Variants in PTGIS observed in about 807,000 individuals in gnomAD.
PTGIS encodes the protein prostacyclin synthase.
In PTGIS, 45 loss-of-function variants were observed where a neutral mutation model predicts 50.3. That is an observed-to-expected ratio of 0.90 (90% CI 0.70 to 1.15). The LOEUF (loss-of-function observed/expected upper bound fraction) is 1.15. Among genes scored for constraint, PTGIS ranks in the 50% most tolerant of loss-of-function variants. The pLI, the probability that PTGIS is intolerant of heterozygous loss-of-function variation, is 0.00. For missense variants in PTGIS, 668 were observed against 661.3 expected, an observed-to-expected ratio of 1.01 and a Z score of -0.11; for synonymous variants, 260 against 267.7, an observed-to-expected ratio of 0.97 and a Z score of 0.28.
In PTGIS at chr20:49,508,328, C is replaced by T. The variant is rs188788095; in HGVS notation, c.1359-264G>A. ...TGTCACTCCTGTGTCAAAGCATTCG[C>T]GAGCCAGTGTGTGGCTCTCCAGCTG... On this transcript the variant is annotated intron_variant, in intron 9 of 9. Coordinates refer to ENST00000244043, the MANE Select transcript of PTGIS (RefSeq NM_000961.4). Among the ~76,000 whole-genome samples, 21 of 151,950 alleles carry T rather than the reference C, an allele frequency of 1.4e-4. 1 individual carries two copies. The highest frequency in any genetic ancestry group is 4.6e-4 in the African/African-American group (19 of 41,542).
At chr20:49,524,284 C>T in intron 5 of PTGIS, 45 bp from the exon 6 acceptor site, 1 of 1,604,364 alleles carries the variant, frequency 6.2e-7, no homozygotes, top group East Asian at 2.2e-5. Context: ...GATTCACCAT[C>T]CCACACCCAG....
intron 6 of PTGIS, among the ~76,000 whole-genome samples, chr20:49,516,219 G>A (rs141910297): frequency 5.0e-4 from 76 of 152,266 alleles, no homozygotes; most frequent in Middle Eastern, 6.8e-3. Flanking sequence ...GGGAAGACAA[G>A]AGGATAAGGA....
chr20:49,517,718 G>A (rs1391661410), intron 6 of PTGIS, among the ~76,000 whole-genome samples: 1 of 152,220 alleles, frequency 6.6e-6, no homozygotes, highest in East Asian at 1.9e-4. Context: ...TGATTCACAT[G>A]CTCCTTCTTG....
intron 6 of PTGIS, among the ~76,000 whole-genome samples, chr20:49,523,212 T>C (rs1981699749): frequency 6.6e-6 from 1 of 152,096 alleles, no homozygotes. Context: ...CTGAAATTGG[T>C]TATTGTACTG....
intron 2 of PTGIS, among the ~76,000 whole-genome samples, chr20:49,549,296 T>C (rs1179327522): frequency 6.6e-6 from 1 of 152,184 alleles, no homozygotes; most frequent in Non-Finnish European, 1.5e-5. Context: ...CATCCTCCCA[T>C]ATACTTTAAG....
intron 1 of PTGIS, among the ~76,000 whole-genome samples, chr20:49,560,229 A>G (rs1982733743): frequency 6.8e-6 from 1 of 146,750 alleles, no homozygotes; most frequent in South Asian, 2.2e-4. Flanking sequence ...GCCGAATTAT[A>G]CACTTTAAAA....
At chr20:49,521,774 C>T (rs1981658939) in intron 6 of PTGIS, among the ~76,000 whole-genome samples, 2 of 152,064 alleles carry the variant, frequency 1.3e-5, no homozygotes, top group Admixed American at 1.3e-4. Flanking sequence ...CGAAGTGGGG[C>T]CAAGAGAAAG....
At chr20:49,549,813 G>A (rs998021493) in intron 2 of PTGIS, among the ~76,000 whole-genome samples, 4 of 152,152 alleles carry the variant, frequency 2.6e-5, no homozygotes, top group Non-Finnish European at 1.5e-5. Flanking sequence ...ACAAGTATTG[G>A]ATAGATATTG....
At chr20:49,552,481 C>T (rs114772864) in intron 1 of PTGIS, among the ~76,000 whole-genome samples, 1,529 of 152,218 alleles carry the variant, frequency 0.01, 33 homozygotes, top group African/African-American at 0.035. Flanking sequence ...TTTTTAATCT[C>T]CCTCTAACAC....
At chr20:49,518,664 A>C (rs545581632) in intron 6 of PTGIS, among the ~76,000 whole-genome samples, 30 of 151,968 alleles carry the variant, frequency 2.0e-4, no homozygotes, top group African/African-American at 5.1e-4. Flanking sequence ...GACAAAAAAA[A>C]AAACAAACAA....
intron 1 of PTGIS, among the ~76,000 whole-genome samples, chr20:49,558,553 C>T (rs1265231985): frequency 2.6e-5 from 4 of 152,090 alleles, no homozygotes; most frequent in Non-Finnish European, 5.9e-5. Flanking sequence ...CAGCAATGTA[C>T]CCTAAAGAAT....
At chr20:49,538,704 A>T (rs6095574) in intron 5 of PTGIS, among the ~76,000 whole-genome samples, 4,931 of 135,366 alleles carry the variant, frequency 0.036, 234 homozygotes, top group African/African-American at 0.16. Flanking sequence ...TATTTATTTA[A>T]GACAGAGTCT....
intron 4 of PTGIS, among the ~76,000 whole-genome samples, chr20:49,542,562 C>A (rs570851034): frequency 3.8e-4 from 58 of 152,370 alleles, no homozygotes; most frequent in Admixed American, 7.2e-4. Flanking sequence ...CTCTCTCTGA[C>A]TTCTTTGTCT....
chr20:49,513,006 C>A, intron 8 of PTGIS, 74 bp downstream of exon 8: 3 of 1,561,692 alleles, frequency 1.9e-6, no homozygotes, highest in Non-Finnish European at 2.6e-6. Context: ...GGCTGCCACT[C>A]AGATCTGGCT....
chr20:49,513,057 G>T, intron 8 of PTGIS, 23 bp downstream of exon 8: 1 of 1,613,818 alleles, frequency 6.2e-7, no homozygotes, highest in South Asian at 1.1e-5. Context: ...GACCCCATAT[G>T]ACCAGGCGCC....
Position 49,550,163 on chromosome 20 carries a change from A to G in PTGIS, c.101T>C (p.Leu34Pro), listed in dbSNP as rs773005116. The G allele has an allele frequency of 1.2e-6, 2 of 1,613,796 alleles. No individual in the cohort carries two copies. Among genetic ancestry groups the G allele is most frequent in the Admixed American group, 3.3e-5 (2 of 60,030 alleles). ...TRRPGEPPLDLGSIPWLGYAL... is the reference protein window; with the variant it reads ...TRRPGEPPLDPGSIPWLGYAL... ...ATACCCCAACCAGGGGATGCTGCCC[A>G]GGTCCAGGGGAGGCTCACCAGGTCG... The change falls in exon 2 of 10, where the codon CTG (leucine) becomes CCG (proline). Residue 34 changes from leucine to proline, a missense_variant. Coordinates refer to ENST00000244043, the MANE Select transcript of PTGIS (RefSeq NM_000961.4).
chr20:49,530,772 G>GT (rs1382663849), intron 5 of PTGIS, among the ~76,000 whole-genome samples: 1 of 152,026 alleles, frequency 6.6e-6, no homozygotes, highest in Non-Finnish European at 1.5e-5. Flanking sequence ...GGATTTTTGT[G>GT]TTTTTTGAGG....
At chr20:49,528,687 A>G (rs996080349) in intron 5 of PTGIS, among the ~76,000 whole-genome samples, 1 of 152,210 alleles carries the variant, frequency 6.6e-6, no homozygotes, top group Admixed American at 6.5e-5. Flanking sequence ...TTACATTTGT[A>G]TATCCCTTAG....
At chr20:49,564,769 G>C (rs1032342204) in intron 1 of PTGIS, among the ~76,000 whole-genome samples, 4 of 152,134 alleles carry the variant, frequency 2.6e-5, no homozygotes, top group Admixed American at 2.0e-4. Context: ...CCTAGATGTG[G>C]AGTATAATTT....
Sources: gnomAD v4.1 joint callset for allele counts (sites outside exome capture counted in the v4.1 genomes callset) on GRCh38, gnomAD v4.1.1 for gene constraint, MANE v1.5 for transcripts, NCBI Gene and HGNC (gene_info 2026-07-23, HGNC 2026-07-21) for gene names.